INSIG1: variants seen among roughly 807,000 people sequenced by gnomAD.
INSIG1 encodes insulin-induced gene 1 protein.
In INSIG1, 14 loss-of-function variants were observed where a neutral mutation model predicts 26.5. That is an observed-to-expected ratio of 0.53 (90% confidence interval 0.35 to 0.83). INSIG1 has a LOEUF of 0.83. INSIG1 is among the 40% of genes least tolerant of loss of function. The probability of loss-of-function intolerance (pLI) is 0.01; values close to 1 mark genes in which losing one functional copy is unlikely to be tolerated. For synonymous variants in INSIG1, 147 were observed against 153.3 expected, an observed-to-expected ratio of 0.96 and a Z score of 0.30; for missense variants, 272 against 368.9, an observed-to-expected ratio of 0.74 and a Z score of 2.15.
intron 5 of INSIG1, among the ~76,000 whole-genome samples, chr7:155,303,524 A>T (rs1350236137): frequency 1.3e-5 from 2 of 152,214 alleles, no homozygotes; most frequent in African/African-American, 4.8e-5. Flanking sequence ...CAGCTGCAGG[A>T]GAAAGCAGTG....
Position 155,300,608 on chromosome 7 carries a change from C to G in INSIG1, c.413-958C>G, listed in dbSNP as rs557672314. 1.3e-4 allele frequency among the ~76,000 whole-genome samples: 20 copies of G among 152,228 alleles called. No individual in the cohort carries two copies. The South Asian group carries it at 3.9e-3, about 30-fold the overall frequency. The stretch of plus-strand genomic sequence containing the variant: ...CAACCCCACGGGCCGGCACCCCACT[C>G]CCCCCTACAGACATTCATTCCTGCC... On this transcript the variant is annotated intron_variant, in intron 2 of 5. Transcript: ENST00000340368.
Position 155,305,007 on chromosome 7 carries a change from G to A in INSIG1, c.804+2161G>A, listed in dbSNP as rs886889178. 3.3e-5 allele frequency among the ~76,000 whole-genome samples: 5 copies of A among 151,482 alleles called. No individual in the cohort carries two copies. The South Asian group carries it at 6.2e-4, about 19-fold the overall frequency. ...AAAAAAAAAAAAAAAATAGCCAGGCGTGGTGGTGGGCACCTGTAGTCCCAG... is the reference window on the plus strand; with the variant it reads ...AAAAAAAAAAAAAAAATAGCCAGGCATGGTGGTGGGCACCTGTAGTCCCAG... On this transcript the variant is annotated intron_variant, in intron 5 of 5. Transcript: ENST00000340368.
rs1415105231 is a variant in INSIG1, at chr7:155,309,091, G to A, written c.*821G>A. ...CTTAGTGAGCCAAAATTGTTTGTTT[G>A]TTACTACAGAATAGAGATGACTGTT... On this transcript the variant is annotated 3_prime_UTR_variant, in exon 6 of 6. Transcript: ENST00000340368. The A allele has an allele frequency of 6.6e-6, 1 of 152,512 alleles. No individual in the cohort carries two copies. The highest frequency in any genetic ancestry group is 1.5e-5 in the Non-Finnish European group (1 of 68,018). 9.4% of individuals were successfully genotyped at this position (152,512 alleles called of 1,614,324 possible). A position where few individuals can be genotyped will look rare whatever the true frequency, so the allele number is the denominator to read the frequency against.
chr7:155,298,642 C>T lies in INSIG1; in HGVS notation c.357C>T (p.Ile119=), dbSNP rs760447154. The T allele has an allele frequency of 3.7e-6, 6 of 1,613,100 alleles. No homozygotes were observed. The highest frequency in any genetic ancestry group is 5.1e-6 in the Non-Finnish European group (6 of 1,179,986). The change falls in exon 2 of 6, where the codon ATC becomes ATT. Residue 119 remains isoleucine, a synonymous_variant. Coordinates refer to ENST00000340368, the MANE Select transcript of INSIG1 (RefSeq NM_005542.6). The stretch of plus-strand genomic sequence containing the variant: ...TCACTCTCTTCCCCGAGGAGGTGAT[C>T]GCCACCATCTTTTCCTCCGCCTGGT... ...RNVTLFPEEV[I]ATIFSSAWWV...
At chr7:155,305,993 T>TTGTTTTTATTTTTACTTTTTTTGAGACGG (rs1797926450) in intron 5 of INSIG1, among the ~76,000 whole-genome samples, 1 of 152,138 alleles carries the variant, frequency 6.6e-6, no homozygotes, top group Non-Finnish European at 1.5e-5. Context: ...TGCTTTTTGT[T>TTGTTTTTATTTTTACTTTTTTTGAGACGG]TGTTTTTATT....
intron 5 of INSIG1, among the ~76,000 whole-genome samples, chr7:155,305,640 G>A (rs1245372844): frequency 1.3e-5 from 2 of 152,190 alleles, no homozygotes; most frequent in Admixed American, 6.5e-5. Context: ...AAGAGATTCC[G>A]AGGCTCAGTT....
Position 155,298,780 on chromosome 7 carries a change from A to G in INSIG1, c.412+83A>G. Reference sequence around the variant, plus strand: ...ACTTTTCAGCCTATAAGAAACATGCATTTGAAACTGGAACTATCCACAGAT... The same window carrying G: ...ACTTTTCAGCCTATAAGAAACATGCGTTTGAAACTGGAACTATCCACAGAT... On this transcript the variant is annotated intron_variant, in intron 2 of 5. Coordinates refer to ENST00000340368, the MANE Select transcript of INSIG1 (RefSeq NM_005542.6). The G allele has an allele frequency of 4.8e-6, 6 of 1,252,008 alleles. No individual in the cohort carries two copies. The South Asian group carries it at 7.1e-5, about 15-fold the overall frequency. The allele number at this position is 1,252,008 out of a possible 1,614,324, so 77.6% of individuals were successfully genotyped here.
intron 2 of INSIG1, among the ~76,000 whole-genome samples, chr7:155,301,064 C>T (rs1015849034): frequency 1.3e-5 from 2 of 152,230 alleles, no homozygotes; most frequent in African/African-American, 4.8e-5. Context: ...CTGTCAAAGT[C>T]ACATCAGCAA....
intron 5 of INSIG1, among the ~76,000 whole-genome samples, chr7:155,303,264 C>G (rs1797838842): frequency 6.6e-6 from 1 of 152,178 alleles, no homozygotes; most frequent in South Asian, 2.1e-4. Flanking sequence ...TTCACAAAAT[C>G]AGAGTGGATG....
In INSIG1 at chr7:155,300,031, C is replaced by T. The variant is rs577157550; in HGVS notation, c.412+1334C>T. 1.6e-4 allele frequency among the ~76,000 whole-genome samples: 24 copies of T among 152,152 alleles called. No homozygotes were observed. In the South Asian group the frequency reaches 3.1e-3, roughly 20 times the overall value. ...GGTAGAATGTTTTCATATTTGTTCT[C>T]GGAGGGACGGGATCCTCTTTCGTTT... On this transcript the variant is annotated intron_variant, in intron 2 of 5. Coordinates refer to ENST00000340368, the MANE Select transcript of INSIG1 (RefSeq NM_005542.6).
chr7:155,302,476 T>G lies in INSIG1; in HGVS notation c.704+59T>G. 2 of 1,408,768 alleles carry G rather than the reference T, an allele frequency of 1.4e-6. No homozygotes were observed. Among genetic ancestry groups the G allele is most frequent in the Non-Finnish European group, 1.9e-6 (2 of 1,041,144 alleles). The allele number at this position is 1,408,768 out of a possible 1,614,324, so 87.3% of individuals were successfully genotyped here. On this transcript the variant is annotated intron_variant, in intron 4 of 5. Coordinates refer to ENST00000340368, the MANE Select transcript of INSIG1 (RefSeq NM_005542.6). The surrounding 1 kb of genome is among the most constrained non-coding windows in gnomAD (Gnocchi z 4.3). ...AGCTTACTTAACTTTCATTAAAACA[T>G]CCACTAAGCTTAGATATTTTCATAT...
chr7:155,305,933 C>T (rs564352223), intron 5 of INSIG1, among the ~76,000 whole-genome samples: 71 of 152,262 alleles, frequency 4.7e-4, no homozygotes, highest in African/African-American at 1.5e-3. Flanking sequence ...CCTTTGTGTC[C>T]GAAAATACAG....
chr7:155,304,038 A>G lies in INSIG1; in HGVS notation c.804+1192A>G, dbSNP rs192416801. ...GAGTGCAGTGGTGCCATCATAGCTCACTGTAACCTTGAGCTCCCGGACTCA... is the reference window on the plus strand; with the variant it reads ...GAGTGCAGTGGTGCCATCATAGCTCGCTGTAACCTTGAGCTCCCGGACTCA... On this transcript the variant is annotated intron_variant, in intron 5 of 5. Transcript: ENST00000340368. 31 of 304,526 alleles carry G rather than the reference A, an allele frequency of 1.0e-4. No individual in the cohort carries two copies. In the Admixed American group the frequency reaches 1.5e-3, roughly 15 times the overall value. 18.9% of individuals were successfully genotyped at this position (304,526 alleles called of 1,614,324 possible).
chr7:155,308,401 A>C lies in INSIG1; in HGVS notation c.*131A>C, dbSNP rs756378492. The C allele has an allele frequency of 6.4e-6, 7 of 1,096,262 alleles. No individual in the cohort carries two copies. In the East Asian group the frequency reaches 1.7e-4, roughly 26 times the overall value. The allele number at this position is 1,096,262 out of a possible 1,614,324, so 67.9% of individuals were successfully genotyped here. On this transcript the variant is annotated 3_prime_UTR_variant, in exon 6 of 6. Transcript: ENST00000340368. ...GGCTGACTGTACAAATGACTCCTGG[A>C]AAAAACTCTTCACCTAGTCTAGAAT...
rs1797997039 is a variant in INSIG1, at chr7:155,308,467, T to C, written c.*197T>C. ...GATGACTTACCCTGAAGTCTTCCCT[T>C]GACTGCCCGCACTGGCGCCTGTCTG... On this transcript the variant is annotated 3_prime_UTR_variant, in exon 6 of 6. Transcript: ENST00000340368. The C allele has an allele frequency of 1.5e-6, 1 of 686,446 alleles. No homozygotes were observed. The highest frequency in any genetic ancestry group is 2.6e-6 in the Non-Finnish European group (1 of 385,056). 42.5% of individuals were successfully genotyped at this position (686,446 alleles called of 1,614,324 possible).
intron 3 of INSIG1, among the ~76,000 whole-genome samples, chr7:155,301,949 A>AT (rs1563030890): frequency 4.2e-5 from 6 of 143,564 alleles, no homozygotes; most frequent in African/African-American, 1.3e-4. Flanking sequence ...AAATATATAT[A>AT]ATATATATAA....
At position 155,302,711 on chromosome 7, in the gene INSIG1, T is replaced by G; in HGVS notation, c.705-36T>G. On this transcript the variant is annotated intron_variant, in intron 4 of 5. Transcript: ENST00000340368. The surrounding 1 kb of genome is among the most constrained non-coding windows in gnomAD (Gnocchi z 4.3). ...TGATGTAGAATTGAGCCAGGTGAAATTGACTGCTAAGGTACAGTTTCTTTT... is the reference window on the plus strand; with the variant it reads ...TGATGTAGAATTGAGCCAGGTGAAAGTGACTGCTAAGGTACAGTTTCTTTT... 7.1e-7 allele frequency: 1 copy of G among 1,407,124 alleles called. No individual in the cohort carries two copies. Among genetic ancestry groups the G allele is most frequent in the Non-Finnish European group, 1.0e-6 (1 of 992,904 alleles). 87.2% of individuals were successfully genotyped at this position (1,407,124 alleles called of 1,614,324 possible). A position where few individuals can be genotyped will look rare whatever the true frequency, so the allele number is the denominator to read the frequency against.
Position 155,302,379 on chromosome 7 carries a change from G to T in INSIG1, c.666G>T (p.Thr222=). 6.2e-7 allele frequency: 1 copy of T among 1,609,080 alleles called. No homozygotes were observed. The highest frequency in any genetic ancestry group is 1.1e-5 in the South Asian group (1 of 89,982). ...GLGITIAFLA[T]LITQFLVYNG... The stretch of plus-strand genomic sequence containing the variant: ...GGATCACCATAGCTTTTCTAGCTAC[G>T]CTGATCACGCAGTTTCTCGTGTATA... Residue 222 remains threonine (T), a synonymous_variant, in exon 4 of 6, where the codon ACG becomes ACT. Coordinates refer to ENST00000340368, the MANE Select transcript of INSIG1 (RefSeq NM_005542.6). The surrounding 1 kb of genome is among the most constrained non-coding windows in gnomAD (Gnocchi z 4.3).
At chr7:155,301,408 A>C (rs1797781179) in intron 2 of INSIG1, among the ~76,000 whole-genome samples, 158 bp from the exon 3 acceptor site, 1 of 152,256 alleles carries the variant, frequency 6.6e-6, no homozygotes, top group Non-Finnish European at 1.5e-5. Flanking sequence ...AGTGGTACTC[A>C]AAGAGAACAA....
Sources: allele counts gnomAD v4.1 joint callset (sites outside exome capture counted in the v4.1 genomes callset), GRCh38; gene constraint gnomAD v4.1.1; non-coding constraint Gnocchi (gnomAD v3.1); transcripts MANE v1.5; gene names NCBI Gene and HGNC (gene_info 2026-07-23, HGNC 2026-07-21).